The following CSMD1 variants were observed in gnomAD, a reference collection of about 807,000 sequenced individuals.
CSMD1 encodes the protein CUB and Sushi multiple domains 1.
Under a neutral mutation model 417.5 loss-of-function variants are expected in CSMD1, and 213 were observed. The observed-to-expected ratio is 0.51, with a 90% CI of 0.46 to 0.57. The LOEUF is 0.57. CSMD1 is among the 20% of genes least tolerant of loss of function. The probability of loss-of-function intolerance (pLI) is 0.00; values close to 1 mark genes in which losing one functional copy is unlikely to be tolerated. For synonymous variants in CSMD1, 2,862 were observed against 1,736.8 expected, an observed-to-expected ratio of 1.65 and a Z score of -16.11; for missense variants, 6,923 against 4,529.7, an observed-to-expected ratio of 1.53 and a Z score of -15.17.
At chr8:3,460,347 G>A (rs761480979) in intron 12 of CSMD1, among the ~76,000 whole-genome samples, 4 of 152,166 alleles carry the variant, frequency 2.6e-5, no homozygotes, top group South Asian at 4.1e-4. Flanking sequence ...AACATCAAGT[G>A]TATGTGAGTG....
rs1306509902 is a variant in CSMD1, at chr8:3,229,395, C to T, written c.4345+645G>A. Reference sequence around the variant, plus strand: ...TTTTATTGAATGAAGAGACAATCTACCTGCAATTACTATTTTACATAAAAT... The same window carrying T: ...TTTTATTGAATGAAGAGACAATCTATCTGCAATTACTATTTTACATAAAAT... On this transcript the variant is annotated intron_variant, in intron 27 of 69. Coordinates refer to ENST00000635120, the MANE Select transcript of CSMD1 (RefSeq NM_033225.6). Among the ~76,000 whole-genome samples, 3 of 152,210 alleles carry T rather than the reference C, an allele frequency of 2.0e-5. No homozygotes were observed. The East Asian group carries it at 5.8e-4, about 29-fold the overall frequency.
At chr8:4,129,266 G>C (rs148027711) in intron 3 of CSMD1, among the ~76,000 whole-genome samples, 17 of 152,154 alleles carry the variant, frequency 1.1e-4, no homozygotes, top group African/African-American at 4.1e-4. Context: ...GGAGCCTTCA[G>C]ATCTGCTGTC....
chr8:3,340,172 T>C (rs534008935), intron 23 of CSMD1, among the ~76,000 whole-genome samples: 1 of 152,288 alleles, frequency 6.6e-6, no homozygotes, highest in South Asian at 2.1e-4. Flanking sequence ...TTAGAAGGCC[T>C]GGATTTGGGT....
In CSMD1 at chr8:4,388,438, T is replaced by A. The variant is rs115301399; in HGVS notation, c.415+31515A>T. 7.5e-3 allele frequency among the ~76,000 whole-genome samples: 1,139 copies of A among 151,532 alleles called. 13 individuals carry two copies. Among genetic ancestry groups the A allele is most frequent in the African/African-American group, 0.025 (1,047 of 41,262 alleles). Reference sequence around the variant, plus strand: ...TGACATTGGAGACTATTTTTCTAAGTGAAGTAACTCAGGAATGAAAAACAA... The same window carrying A: ...TGACATTGGAGACTATTTTTCTAAGAGAAGTAACTCAGGAATGAAAAACAA... On this transcript the variant is annotated intron_variant, in intron 3 of 69. Coordinates refer to ENST00000635120, the MANE Select transcript of CSMD1 (RefSeq NM_033225.6).
intron 7 of CSMD1, among the ~76,000 whole-genome samples, chr8:3,682,701 C>A (rs563615100): frequency 6.6e-6 from 1 of 152,060 alleles, no homozygotes; most frequent in African/African-American, 2.4e-5. Context: ...GGTATATACC[C>A]AAAAGATTAA....
chr8:4,386,189 C>A (rs1017164368), intron 3 of CSMD1, among the ~76,000 whole-genome samples: 1 of 152,122 alleles, frequency 6.6e-6, no homozygotes, highest in African/African-American at 2.4e-5. Flanking sequence ...ATCAGACATT[C>A]TCCTACCTTC....
At chr8:4,817,981 C>T (rs1269098927) in intron 1 of CSMD1, among the ~76,000 whole-genome samples, 2 of 152,120 alleles carry the variant, frequency 1.3e-5, no homozygotes, top group Non-Finnish European at 2.9e-5. Flanking sequence ...AGTTAAATTT[C>T]ACATTGAGGT....
intron 9 of CSMD1, among the ~76,000 whole-genome samples, chr8:3,580,175 G>A (rs577964607): frequency 9.2e-5 from 14 of 152,260 alleles, no homozygotes; most frequent in Admixed American, 8.5e-4. Flanking sequence ...AACACTGAGG[G>A]TATGGCGGAG....
chr8:4,492,396 T>C (rs961510249), intron 2 of CSMD1, among the ~76,000 whole-genome samples: 49 of 152,202 alleles, frequency 3.2e-4, no homozygotes, highest in Non-Finnish European at 1.3e-4. Flanking sequence ...GCCAAATATC[T>C]GACATTCTGG....
At chr8:4,501,069 A>G (rs1194186678) in intron 2 of CSMD1, among the ~76,000 whole-genome samples, 2 of 152,158 alleles carry the variant, frequency 1.3e-5, no homozygotes, top group Non-Finnish European at 2.9e-5. Context: ...GCCAAAAAAG[A>G]TATAATAACA....
At chr8:3,229,743 C>T (rs529084155) in intron 27 of CSMD1, among the ~76,000 whole-genome samples, 168 of 152,152 alleles carry the variant, frequency 1.1e-3, no homozygotes, top group African/African-American at 4.0e-3. Context: ...TTTGAGGCAA[C>T]TAGAATTTTA....
At chr8:4,162,661 T>C (rs1167267214) in intron 3 of CSMD1, among the ~76,000 whole-genome samples, 1 of 152,202 alleles carries the variant, frequency 6.6e-6, no homozygotes, top group Non-Finnish European at 1.5e-5. Flanking sequence ...ATGTAACACC[T>C]GCTCCCATAC....
chr8:3,654,996 G>C (rs948160250), intron 7 of CSMD1, among the ~76,000 whole-genome samples: 2 of 151,994 alleles, frequency 1.3e-5, no homozygotes, highest in Non-Finnish European at 2.9e-5. Context: ...GTGAAGAAAG[G>C]GAGACAGCAA....
intron 45 of CSMD1, 51 bp downstream of exon 45, chr8:3,107,667 G>T: frequency 9.6e-7 from 1 of 1,040,136 alleles, no homozygotes; most frequent in Non-Finnish European, 1.5e-6. Context: ...AGAAGTGGGT[G>T]TAAAAAAATG....
intron 5 of CSMD1, among the ~76,000 whole-genome samples, chr8:3,838,984 T>A (rs1176376219): frequency 7.9e-6 from 1 of 126,368 alleles, no homozygotes; most frequent in Non-Finnish European, 1.6e-5. Flanking sequence ...TAATATATTA[T>A]ATATCATATA....
In CSMD1 at chr8:4,104,148, G is replaced by C. The variant is rs143668094; in HGVS notation, c.416-72049C>G. The stretch of plus-strand genomic sequence containing the variant: ...GTGTTGATTCAGTCCCTCGTCTGCA[G>C]CAGTTACTGTCCTTGATTTTCACTG... On this transcript the variant is annotated intron_variant, in intron 3 of 69. Coordinates refer to ENST00000635120, the MANE Select transcript of CSMD1 (RefSeq NM_033225.6). Among the ~76,000 whole-genome samples the C allele has an allele frequency of 3.0e-3, 464 of 152,338 alleles. 5 individuals carry two copies. The highest frequency in any genetic ancestry group is 0.01 in the African/African-American group (435 of 41,572).
intron 5 of CSMD1, among the ~76,000 whole-genome samples, chr8:3,833,498 T>C (rs1417772669): frequency 6.6e-6 from 1 of 152,152 alleles, no homozygotes; most frequent in Non-Finnish European, 1.5e-5. Flanking sequence ...AACAAAGCCC[T>C]TTCCTCATTC....
intron 11 of CSMD1, among the ~76,000 whole-genome samples, chr8:3,478,112 C>T (rs942899458): frequency 6.6e-6 from 1 of 152,180 alleles, no homozygotes; most frequent in African/African-American, 2.4e-5. Flanking sequence ...CATGCACACG[C>T]CTCACTCAAG....
intron 2 of CSMD1, among the ~76,000 whole-genome samples, chr8:4,509,973 CAAA>C (rs1224715460): frequency 1.3e-5 from 2 of 152,030 alleles, no homozygotes; most frequent in African/African-American, 4.8e-5. Flanking sequence ...TGTCTCCACC[CAAA>C]TCTCATGGTG....
Sources: allele counts gnomAD v4.1 joint callset (sites outside exome capture counted in the v4.1 genomes callset), GRCh38; gene constraint gnomAD v4.1.1; transcripts MANE v1.5; gene names NCBI Gene and HGNC (gene_info 2026-07-23, HGNC 2026-07-21).